The following DNAJC15 variants were observed in gnomAD, a reference collection of about 807,000 sequenced individuals.
DNAJC15 encodes dnaJ homolog subfamily C member 15.
DNAJC15 carries 27 observed loss-of-function variants against 22.4 expected under a neutral mutation model. That is an observed-to-expected ratio of 1.20 (90% CI 0.89 to 1.66). The LOEUF (loss-of-function observed/expected upper bound fraction) is 1.66. Ranked by LOEUF, DNAJC15 falls within the 40% of genes most tolerant of loss-of-function variation. DNAJC15 has a pLI of 0.00. For missense variants in DNAJC15, 208 were observed against 187.1 expected (o/e 1.11, Z -0.65); for synonymous variants, 79 against 63.2 (o/e 1.25, Z -1.19).
chr13:43,095,562 A>T, intron 5 of DNAJC15, among the ~76,000 whole-genome samples: 1 of 152,192 alleles, frequency 6.6e-6, no homozygotes. Flanking sequence ...GAGGTCATGG[A>T]AAGTGAAAGT....
chr13:43,092,859 A>C (rs2040722075), intron 5 of DNAJC15, among the ~76,000 whole-genome samples: 1 of 152,176 alleles, frequency 6.6e-6, no homozygotes, highest in Non-Finnish European at 1.5e-5. Flanking sequence ...GGCTACGGTG[A>C]GCTATGATCA....
Position 43,086,118 on chromosome 13 carries a change from C to T in DNAJC15, c.382+280C>T, listed in dbSNP as rs545446622. On this transcript the variant is annotated intron_variant, in intron 5 of 5. Coordinates refer to ENST00000379221, the MANE Select transcript of DNAJC15 (RefSeq NM_013238.3). ...TTTTTATCAAGAAAAATCGAAAACA[C>T]GAGTTATGGACTCTTTGGTTGTATA... Among the ~76,000 whole-genome samples the T allele has an allele frequency of 1.8e-3, 281 of 152,224 alleles. 2 individuals are homozygous for T. The highest frequency in any genetic ancestry group is 6.5e-3 in the African/African-American group (269 of 41,546).
intron 3 of DNAJC15, among the ~76,000 whole-genome samples, chr13:43,072,548 T>TA (rs1649894965): frequency 2.0e-5 from 3 of 152,144 alleles, no homozygotes; most frequent in Admixed American, 6.6e-5. Flanking sequence ...TCTATTCTGT[T>TA]TTTCATCTAT....
chr13:43,048,668 ACCACTGTTC>A (rs759599847), intron 1 of DNAJC15, among the ~76,000 whole-genome samples: 7 of 152,090 alleles, frequency 4.6e-5, no homozygotes, highest in Non-Finnish European at 7.4e-5. Context: ...TTACATAGAG[ACCACTGTTC>A]CCAAACATTA....
intron 1 of DNAJC15, among the ~76,000 whole-genome samples, chr13:43,024,202 C>T (rs1483433099): frequency 1.3e-5 from 2 of 152,070 alleles, no homozygotes; most frequent in East Asian, 3.9e-4. Flanking sequence ...TCTCCAAAGT[C>T]TCCGGCACAG....
chr13:43,070,725 G>C (rs1418811744), intron 3 of DNAJC15, among the ~76,000 whole-genome samples: 5 of 152,136 alleles, frequency 3.3e-5, no homozygotes, highest in Admixed American at 6.6e-5. Context: ...GAAGGGAATA[G>C]TGGTAGCTTG....
chr13:43,108,046 A>T lies in DNAJC15; in HGVS notation c.*798A>T, dbSNP rs2040806625. 1 of 152,642 alleles carries T rather than the reference A, an allele frequency of 6.6e-6. No homozygotes were observed. Among genetic ancestry groups the T allele is most frequent in the Non-Finnish European group, 1.5e-5 (1 of 68,020 alleles). 9.5% of individuals were successfully genotyped at this position (152,642 alleles called of 1,614,324 possible). A position where few individuals can be genotyped will look rare whatever the true frequency, so the allele number is the denominator to read the frequency against. ...AGTTGCAAGTATGAAGCAGTCATGG[A>T]TCATGAACCAAAGGAACTTATATGT... is the stretch of plus-strand genomic sequence containing the variant. On this transcript the variant is annotated 3_prime_UTR_variant, in exon 6 of 6. Transcript: ENST00000379221.
At chr13:43,046,187 A>G (rs943795455) in intron 1 of DNAJC15, among the ~76,000 whole-genome samples, 2 of 151,610 alleles carry the variant, frequency 1.3e-5, no homozygotes, top group South Asian at 2.1e-4. Context: ...GAAATTTACC[A>G]GACATAAGGT....
intron 1 of DNAJC15, among the ~76,000 whole-genome samples, chr13:43,030,886 A>G (rs2040401463): frequency 6.6e-6 from 1 of 152,242 alleles, no homozygotes; most frequent in South Asian, 2.1e-4. Flanking sequence ...TAAGAGAAAT[A>G]TATGGATAAA....
rs544165717 is a variant in DNAJC15, at chr13:43,066,172, CAT to C, written c.160+438_160+439del. Among the ~76,000 whole-genome samples the C allele has an allele frequency of 1.4e-3, 214 of 152,272 alleles. 2 individuals are homozygous for C. The highest frequency in any genetic ancestry group is 9.1e-3 in the South Asian group (44 of 4,824). ...TGTAGTTTATTGATTTGTCTCTAAA[CAT>C]ATTGGTATAATTACCTTGATAAACC... On this transcript the variant is annotated intron_variant, in intron 2 of 5. Coordinates refer to ENST00000379221, the MANE Select transcript of DNAJC15 (RefSeq NM_013238.3).
intron 4 of DNAJC15, among the ~76,000 whole-genome samples, chr13:43,084,158 T>A (rs2040676543): frequency 6.6e-6 from 1 of 152,148 alleles, no homozygotes; most frequent in African/African-American, 2.4e-5. Context: ...CAAGCAAACA[T>A]CTGCAGACCT....
intron 5 of DNAJC15, among the ~76,000 whole-genome samples, chr13:43,094,253 G>T (rs1030977798): frequency 6.6e-6 from 1 of 152,128 alleles, no homozygotes; most frequent in East Asian, 1.9e-4. Context: ...TTCACTGAGA[G>T]TTACAAATCA....
At chr13:43,025,462 C>T (rs1012620489) in intron 1 of DNAJC15, among the ~76,000 whole-genome samples, 1 of 152,186 alleles carries the variant, frequency 6.6e-6, no homozygotes, top group Non-Finnish European at 1.5e-5. Context: ...AAGTGTAGGC[C>T]AGTGATTCTC....
chr13:43,093,222 T>C (rs1028842755), intron 5 of DNAJC15, among the ~76,000 whole-genome samples: 1 of 152,102 alleles, frequency 6.6e-6, no homozygotes, highest in African/African-American at 2.4e-5. Context: ...ATATTACTTA[T>C]AGTTATTTGG....
chr13:43,068,655 TAA>T (rs1566209149), intron 2 of DNAJC15, among the ~76,000 whole-genome samples: 1 of 151,972 alleles, frequency 6.6e-6, no homozygotes, highest in South Asian at 2.1e-4. Context: ...AATATAAATG[TAA>T]GATATTACAC....
intron 3 of DNAJC15, among the ~76,000 whole-genome samples, chr13:43,071,537 T>C (rs1007512137): frequency 2.0e-5 from 3 of 152,244 alleles, no homozygotes; most frequent in African/African-American, 7.2e-5. Flanking sequence ...TTAAAACTAG[T>C]AATCATTTCC....
At chr13:43,024,595 C>T (rs528901140) in intron 1 of DNAJC15, among the ~76,000 whole-genome samples, 70 of 152,050 alleles carry the variant, frequency 4.6e-4, no homozygotes, top group African/African-American at 1.6e-3. Context: ...CCGCCCGCCT[C>T]GGCCTCCCAA....
rs1046424985 is a variant in DNAJC15 at position 43,067,370 on chromosome 13, A to G, written c.161-1560A>G. Among the ~76,000 whole-genome samples, 21 of 152,310 alleles carry G rather than the reference A, an allele frequency of 1.4e-4. No homozygotes were observed. In the East Asian group the frequency reaches 2.5e-3, roughly 18 times the overall value. On this transcript the variant is annotated intron_variant, in intron 2 of 5. Transcript: ENST00000379221. ...GTCTCAGTTATATAACTTATACTTAATGAATTTCTGAGGTTTTATGAGAAG... is the reference window on the plus strand; with the variant it reads ...GTCTCAGTTATATAACTTATACTTAGTGAATTTCTGAGGTTTTATGAGAAG...
chr13:43,095,514 G>A (rs184113822), intron 5 of DNAJC15, among the ~76,000 whole-genome samples: 20 of 152,166 alleles, frequency 1.3e-4, no homozygotes, highest in African/African-American at 3.6e-4. Context: ...CTGGACTTAA[G>A]AATCATCAAT....
Sources: gnomAD v4.1 joint callset for allele counts (sites outside exome capture counted in the v4.1 genomes callset) on GRCh38, gnomAD v4.1.1 for gene constraint, MANE v1.5 for transcripts, NCBI Gene and HGNC (gene_info 2026-07-23, HGNC 2026-07-21) for gene names.